HPSE2: variants seen among roughly 807,000 people sequenced by gnomAD.
HPSE2 encodes the protein inactive heparanase-2.
In HPSE2, 38 loss-of-function variants were observed where a neutral mutation model predicts 60.5. That is an observed-to-expected ratio of 0.63 (90% CI 0.48 to 0.82). The LOEUF is 0.82. Among genes scored for constraint, HPSE2 ranks in the 40% least tolerant of loss-of-function variants. The pLI is 0.00. For missense variants in HPSE2, 713 were observed against 740.4 expected (o/e 0.96, Z 0.43); for synonymous variants, 295 against 293.2 (o/e 1.01, Z -0.06).
At chr10:98,672,539 G>A (rs1947533493) in intron 6 of HPSE2, among the ~76,000 whole-genome samples, 1 of 152,150 alleles carries the variant, frequency 6.6e-6, no homozygotes, top group South Asian at 2.1e-4. Flanking sequence ...TAATTTATCA[G>A]GACTTCCAGT....
the HPSE2 span, among the ~76,000 whole-genome samples, chr10:99,254,731 C>A: frequency 1.6e-3 from 242 of 152,168 alleles, 1 homozygote; most frequent in African/African-American, 5.2e-3. Flanking sequence ...TACTATCTGA[C>A]AATTATAAGA....
At chr10:99,004,665 ATG>A (rs1449984815) in intron 3 of HPSE2, among the ~76,000 whole-genome samples, 3 of 152,220 alleles carry the variant, frequency 2.0e-5, no homozygotes, top group Non-Finnish European at 4.4e-5. Flanking sequence ...TACTAAAGAT[ATG>A]TGATTTACAT....
intron 9 of HPSE2, among the ~76,000 whole-genome samples, chr10:98,606,202 G>A (rs1945581641): frequency 6.6e-6 from 1 of 152,190 alleles, no homozygotes; most frequent in African/African-American, 2.4e-5. Flanking sequence ...ATGAATGAAT[G>A]ATAGACAGTA....
chr10:98,881,837 A>C (rs7922976), intron 3 of HPSE2, among the ~76,000 whole-genome samples: 97,740 of 151,844 alleles, frequency 0.64, 32,542 homozygotes, highest in South Asian at 0.79. Context: ...TTTTTGTTGC[A>C]TAACTGTGTA....
At chr10:98,505,207 C>G (rs1942161798) in intron 9 of HPSE2, among the ~76,000 whole-genome samples, 1 of 152,146 alleles carries the variant, frequency 6.6e-6, no homozygotes, top group Non-Finnish European at 1.5e-5. Context: ...GAATGTTACT[C>G]CAACTGTGAC....
chr10:99,123,096 A>T (rs954354397), intron 3 of HPSE2, among the ~76,000 whole-genome samples: 75 of 152,322 alleles, frequency 4.9e-4, no homozygotes, highest in Admixed American at 4.6e-3. Context: ...ACTTATACAC[A>T]TCACACTACA....
intron 6 of HPSE2, among the ~76,000 whole-genome samples, chr10:98,646,999 T>C (rs918768535): frequency 2.0e-5 from 3 of 152,324 alleles, no homozygotes; most frequent in East Asian, 1.9e-4. Context: ...CCAGATCCTA[T>C]TCAACTAGCA....
chr10:98,578,625 T>C (rs2133915228), intron 9 of HPSE2, among the ~76,000 whole-genome samples: 1 of 152,294 alleles, frequency 6.6e-6, no homozygotes, highest in East Asian at 1.9e-4. Flanking sequence ...TAAACAAGCA[T>C]ACAAAAGAAA....
At chr10:98,933,861 A>G (rs1954712685) in intron 3 of HPSE2, among the ~76,000 whole-genome samples, 1 of 140,392 alleles carries the variant, frequency 7.1e-6, no homozygotes, top group South Asian at 2.1e-4. Context: ...CCTCCCGAGT[A>G]GCTGGGACTA....
chr10:99,292,707 A>G, the HPSE2 span, among the ~76,000 whole-genome samples: 1 of 152,202 alleles, frequency 6.6e-6, no homozygotes, highest in Non-Finnish European at 1.5e-5. Context: ...TTATTTCAAC[A>G]TGTAATTAAT....
rs972132707 is a variant in HPSE2, at chr10:99,232,506, C to G, written c.291-1G>C. On this transcript the variant is annotated splice_acceptor_variant, in intron 1 of 11. Coordinates refer to ENST00000370552, the MANE Select transcript of HPSE2 (RefSeq NM_021828.5). LOFTEE classifies it high-confidence loss of function. ...GGCCAGGGTCACCAAGCGCTTGGAG[C>G]TGCAGAGGAAGAGAATAAGAGAGGA... The G allele has an allele frequency of 1.9e-6, 3 of 1,552,818 alleles. No individual in the cohort carries two copies. The highest frequency in any genetic ancestry group is 1.7e-6 in the Non-Finnish European group (2 of 1,148,560).
intron 9 of HPSE2, among the ~76,000 whole-genome samples, chr10:98,546,536 A>C (rs1943682410): frequency 6.6e-6 from 1 of 151,648 alleles, no homozygotes; most frequent in Admixed American, 6.6e-5. Context: ...CAAACCTGAC[A>C]AAAAAAAGCA....
At chr10:98,922,855 T>C (rs192564777) in intron 3 of HPSE2, among the ~76,000 whole-genome samples, 1 of 152,366 alleles carries the variant, frequency 6.6e-6, no homozygotes, top group Admixed American at 6.5e-5. Context: ...TGTCTATGTC[T>C]TGAAAAGTTG....
rs1589851863 is a variant in HPSE2 at position 98,803,361 on chromosome 10, A to T, written c.611-59305T>A. Reference sequence around the variant, plus strand: ...TTTGTCAATTTTGGCTTTTGTTTCCATTGCTTTTGGTGTTTTAGACATGAA... The same window carrying T: ...TTTGTCAATTTTGGCTTTTGTTTCCTTTGCTTTTGGTGTTTTAGACATGAA... On this transcript the variant is annotated intron_variant, in intron 3 of 11. Transcript: ENST00000370552. 2.0e-5 allele frequency among the ~76,000 whole-genome samples: 3 copies of T among 150,176 alleles called. No individual in the cohort carries two copies. The East Asian group carries it at 6.1e-4, about 31-fold the overall frequency.
At chr10:98,919,575 T>C (rs1387425679) in intron 3 of HPSE2, among the ~76,000 whole-genome samples, 2 of 152,134 alleles carry the variant, frequency 1.3e-5, no homozygotes, top group Non-Finnish European at 2.9e-5. Context: ...AGAGAATGAA[T>C]ACATTTTAAA....
At chr10:99,272,030 T>C in the HPSE2 span, among the ~76,000 whole-genome samples, 1 of 152,168 alleles carries the variant, frequency 6.6e-6, no homozygotes, top group Non-Finnish European at 1.5e-5. Context: ...CCCAACACTT[T>C]GAGAGGCCGA....
chr10:98,590,746 T>C (rs551220617), intron 9 of HPSE2, among the ~76,000 whole-genome samples: 2 of 152,300 alleles, frequency 1.3e-5, no homozygotes, highest in South Asian at 4.2e-4. Context: ...AGCTTCTAAG[T>C]TCAATACAGT....
At chr10:98,631,494 T>G (rs999739492) in intron 7 of HPSE2, among the ~76,000 whole-genome samples, 3 of 152,214 alleles carry the variant, frequency 2.0e-5, no homozygotes, top group African/African-American at 7.2e-5. Flanking sequence ...AACCCCTACC[T>G]ACTTACAAGT....
chr10:99,192,079 T>A (rs1247273360), intron 2 of HPSE2, among the ~76,000 whole-genome samples: 1 of 152,136 alleles, frequency 6.6e-6, no homozygotes, highest in Non-Finnish European at 1.5e-5. Flanking sequence ...AAGAATTTTT[T>A]AAAATGAAAC....
Sources: allele counts gnomAD v4.1 joint callset (sites outside exome capture counted in the v4.1 genomes callset), GRCh38; gene constraint gnomAD v4.1.1; transcripts MANE v1.5; gene names NCBI Gene and HGNC (gene_info 2026-07-23, HGNC 2026-07-21).